ZNF286A: variants seen among roughly 807,000 people sequenced by gnomAD.
ZNF286A encodes the protein zinc finger protein 286A.
ZNF286A carries 34 observed loss-of-function variants against 49.3 expected under a neutral mutation model. The ratio of observed to expected loss-of-function variants is 0.69; its 90% CI spans 0.52 to 0.92. The LOEUF (loss-of-function observed/expected upper bound fraction) is 0.92, where lower values mean the gene tolerates loss of function less well. Ranked by LOEUF, ZNF286A falls within the 40% of genes least tolerant of loss-of-function variation. The pLI is 0.00. For missense variants in ZNF286A, 462 were observed against 600.2 expected, an observed-to-expected ratio of 0.77 and a Z score of 2.41; for synonymous variants, 155 against 200.4, an observed-to-expected ratio of 0.77 and a Z score of 1.91.
chr17:15,704,364 G>A, intron 3 of ZNF286A: 1 of 1,610,508 alleles, frequency 6.2e-7, no homozygotes, highest in Non-Finnish European at 8.5e-7. Flanking sequence ...CAGGGTCGGT[G>A]GAGGAAGCTG....
rs1339161031 is a variant in ZNF286A, at chr17:15,699,794, G to A, written c.-196+17G>A. 2 of 702,918 alleles carry A rather than the reference G, an allele frequency of 2.8e-6. No homozygotes were observed. Among genetic ancestry groups the A allele is most frequent in the East Asian group, 5.4e-5 (2 of 37,292 alleles). The allele number at this position is 702,918 out of a possible 1,614,324, so 43.5% of individuals were successfully genotyped here. ...GGATGGGAGGTGAGTTGCTTGTGGT[G>A]ATGTCGCTCGTCTCGGCTCGGCCTC... On this transcript the variant is annotated intron_variant, in intron 1 of 5. Coordinates refer to ENST00000583566, the MANE Select transcript of ZNF286A (RefSeq NM_001130842.2).
chr17:15,715,871 A>C, intron 5 of ZNF286A, 188 bp from the exon 6 acceptor site: 1 of 1,425,698 alleles, frequency 7.0e-7, no homozygotes, highest in East Asian at 2.5e-5. Context: ...GGATGTACTT[A>C]TTTTCTCTGC....
chr17:15,716,274 T>C lies in ZNF286A; in HGVS notation c.550T>C (p.Ser184Pro), dbSNP rs753292987. 2.5e-6 allele frequency: 4 copies of C among 1,613,758 alleles called. No homozygotes were observed. The highest frequency in any genetic ancestry group is 3.4e-6 in the Non-Finnish European group (4 of 1,179,824). ...REMFTHMNSL[S>P]EETDHKHDVY... ...AATGTTCACTCACATGAATTCACTC[T>C]CTGAGGAAACAGACCATAAGCATGA... The change falls in exon 6 of 6, where the codon TCT becomes CCT. Residue 184 changes from serine (S) to proline (P), a missense_variant. By Grantham distance (74) the Ser-to-Pro change is moderately conservative. Transcript: ENST00000583566.
Position 15,719,992 on chromosome 17 carries a change from G to C in ZNF286A, c.*2702G>C, listed in dbSNP as rs143550079. The C allele has an allele frequency of 6.6e-6, 1 of 152,336 alleles. No individual in the cohort carries two copies. Among genetic ancestry groups the C allele is most frequent in the Non-Finnish European group, 1.5e-5 (1 of 68,028 alleles). 9.4% of individuals were successfully genotyped at this position (152,336 alleles called of 1,614,324 possible). A position where few individuals can be genotyped will look rare whatever the true frequency, so the allele number is the denominator to read the frequency against. Reference sequence around the variant, plus strand: ...TTATTGAAACTTGCCAAATTCTTGAGTGAAGAGGAATTCATTTGAGAGCCA... The same window carrying C: ...TTATTGAAACTTGCCAAATTCTTGACTGAAGAGGAATTCATTTGAGAGCCA... On this transcript the variant is annotated 3_prime_UTR_variant, in exon 6 of 6. Coordinates refer to ENST00000583566, the MANE Select transcript of ZNF286A (RefSeq NM_001130842.2).
chr17:15,709,319 G>A (rs1308743642), intron 5 of ZNF286A, among the ~76,000 whole-genome samples: 14 of 146,578 alleles, frequency 9.6e-5, no homozygotes, highest in South Asian at 9.1e-4. Flanking sequence ...GTGAAACCCC[G>A]TCTCTACTAC....
chr17:15,709,664 T>C (rs1460839310), intron 5 of ZNF286A, among the ~76,000 whole-genome samples: 1 of 152,212 alleles, frequency 6.6e-6, no homozygotes, highest in Admixed American at 6.5e-5. Flanking sequence ...ATTGTTACAC[T>C]TTTTCTTATG....
chr17:15,708,246 A>G lies in ZNF286A; in HGVS notation c.333A>G (p.Ser111=). Residue 111 remains serine (S), a splice_region_variant and synonymous_variant, in exon 5 of 6, where the codon TCA becomes TCG. Coordinates refer to ENST00000583566, the MANE Select transcript of ZNF286A (RefSeq NM_001130842.2). ...LERKAPKSSY[S]DMETRPQSKD... is the part of the protein sequence containing the mutation. ...GAAAAGCCCCCAAAAGCAGCTATTC[A>G]GGTGAGCCAGATAGATGGGAGTCTT... 6.3e-7 allele frequency: 1 copy of G among 1,581,802 alleles called. No individual in the cohort carries two copies. Among genetic ancestry groups the G allele is most frequent in the South Asian group, 1.2e-5 (1 of 85,572 alleles).
intron 3 of ZNF286A, 94 bp from the exon 4 acceptor site, chr17:15,706,293 C>A: frequency 1.1e-6 from 1 of 888,498 alleles, no homozygotes. Context: ...CTCTTAAGTG[C>A]ATCTCAGGCT....
chr17:15,712,471 C>G (rs1365872939), intron 5 of ZNF286A, among the ~76,000 whole-genome samples: 1 of 152,184 alleles, frequency 6.6e-6, no homozygotes, highest in Non-Finnish European at 1.5e-5. Flanking sequence ...AACTGAATGT[C>G]TAAAATAAGT....
rs1196148486 is a variant in ZNF286A at position 15,710,085 on chromosome 17, T to C, written c.334+1838T>C. 1.3e-5 allele frequency: 7 copies of C among 546,946 alleles called. No homozygotes were observed. The East Asian group carries it at 2.1e-4, about 17-fold the overall frequency. 33.9% of individuals were successfully genotyped at this position (546,946 alleles called of 1,614,324 possible). ...ATTCAAGTTTCTTGTGAGTTACCTGTTGATACCCTTTGCCTGTTTTTTGAG... is the reference window on the plus strand; with the variant it reads ...ATTCAAGTTTCTTGTGAGTTACCTGCTGATACCCTTTGCCTGTTTTTTGAG... On this transcript the variant is annotated intron_variant, in intron 5 of 5. Transcript: ENST00000583566.
chr17:15,707,951 G>A (rs163371), intron 4 of ZNF286A, among the ~76,000 whole-genome samples: 21,441 of 151,886 alleles, frequency 0.14, 1,891 homozygotes, highest in South Asian at 0.26. Context: ...CGGAGTTCGA[G>A]ACCTGCCTGG....
At chr17:15,706,685 A>G (rs995468110) in intron 4 of ZNF286A, among the ~76,000 whole-genome samples, 184 bp downstream of exon 4, 1 of 152,144 alleles carries the variant, frequency 6.6e-6, no homozygotes, top group Non-Finnish European at 1.5e-5. Context: ...CTTGTTTTGT[A>G]TCAGTATTCT....
At chr17:15,703,039 G>A (rs1389382941) in intron 3 of ZNF286A, among the ~76,000 whole-genome samples, 1 of 152,234 alleles carries the variant, frequency 6.6e-6, no homozygotes, top group East Asian at 1.9e-4. Flanking sequence ...TGCTGGGATT[G>A]ACTCTAATGG....
At chr17:15,711,512 T>C (rs1036043496) in intron 5 of ZNF286A, 4 of 152,140 alleles carry the variant, frequency 2.6e-5, no homozygotes, top group African/African-American at 9.7e-5. Flanking sequence ...GTAATAACAC[T>C]GAGTTAAGCA....
At chr17:15,711,763 G>A (rs1483482022) in intron 5 of ZNF286A, among the ~76,000 whole-genome samples, 2 of 150,346 alleles carry the variant, frequency 1.3e-5, no homozygotes, top group African/African-American at 4.9e-5. Context: ...GCAGCAGGCT[G>A]TAGTTGCCAA....
Position 15,716,717 on chromosome 17 carries a change from T to C in ZNF286A, c.993T>C (p.Cys331=). 2.5e-6 allele frequency: 4 copies of C among 1,613,930 alleles called. No homozygotes were observed. Among genetic ancestry groups the C allele is most frequent in the Non-Finnish European group, 3.4e-6 (4 of 1,179,860 alleles). ...AGAGACCTTATGAATGCAATGAATG[T>C]GGGAAAGGTTTTAATCGAAGTACAC... is the stretch of plus-strand genomic sequence containing the variant. The part of the protein sequence containing the change: ...VGERPYECNE[C]GKGFNRSTHL... The change falls in exon 6 of 6, where the codon TGT becomes TGC. Residue 331 remains cysteine (C), a synonymous_variant. Transcript: ENST00000583566.
At chr17:15,704,113 G>A (rs922992999) in intron 3 of ZNF286A, 3 of 594,580 alleles carry the variant, frequency 5.0e-6, no homozygotes, top group Admixed American at 3.8e-5. Flanking sequence ...AACAAATCCA[G>A]GTCCCAGTGC....
In ZNF286A at chr17:15,717,423, T is replaced by C; in HGVS notation, c.*133T>C. ...TATGCATCTAATTTCATTTGCGTAA[T>C]ACATAGTTTTGAGCCATAAGCAGGT... On this transcript the variant is annotated 3_prime_UTR_variant, in exon 6 of 6. Coordinates refer to ENST00000583566, the MANE Select transcript of ZNF286A (RefSeq NM_001130842.2). 7.7e-6 allele frequency: 11 copies of C among 1,421,866 alleles called. No homozygotes were observed. The highest frequency in any genetic ancestry group is 1.0e-5 in the Non-Finnish European group (11 of 1,069,890). The allele number at this position is 1,421,866 out of a possible 1,614,324, so 88.1% of individuals were successfully genotyped here. A position where few individuals can be genotyped will look rare whatever the true frequency, so the allele number is the denominator to read the frequency against.
At chr17:15,708,367 A>C (rs1192420246) in intron 5 of ZNF286A, 120 bp downstream of exon 5, 1 of 650,846 alleles carries the variant, frequency 1.5e-6, no homozygotes, top group Non-Finnish European at 2.3e-6. Flanking sequence ...TAAAATTCTA[A>C]AGCATTTAAA....
Sources: gnomAD v4.1 joint callset for allele counts (sites outside exome capture counted in the v4.1 genomes callset) on GRCh38, gnomAD v4.1.1 for gene constraint, MANE v1.5 for transcripts, NCBI Gene and HGNC (gene_info 2026-07-23, HGNC 2026-07-21) for gene names.